The following SLCO6A1 variants were observed in gnomAD, a reference collection of about 807,000 sequenced individuals.
The protein encoded by SLCO6A1 is cancer/testis antigen 48.
SLCO6A1 carries 65 observed loss-of-function variants against 72.7 expected under a neutral mutation model. The ratio of observed to expected loss-of-function variants is 0.89; its 90% CI spans 0.73 to 1.10. The LOEUF (loss-of-function observed/expected upper bound fraction) is 1.10, where lower values mean the gene tolerates loss of function less well. Among genes scored for constraint, SLCO6A1 ranks in the 50% least tolerant of loss-of-function variants. SLCO6A1 has a pLI of 0.00. For missense variants in SLCO6A1, 874 were observed against 872.6 expected, an observed-to-expected ratio of 1.00 and a Z score of -0.02; for synonymous variants, 314 against 298.2, an observed-to-expected ratio of 1.05 and a Z score of -0.55.
At chr5:102,378,695 TGTTC>T (rs1177944134) in intron 12 of SLCO6A1, among the ~76,000 whole-genome samples, 1 of 152,164 alleles carries the variant, frequency 6.6e-6, no homozygotes, top group African/African-American at 2.4e-5. Context: ...TATGTAGTTG[TGTTC>T]TTTTCATTTT....
intron 4 of SLCO6A1, among the ~76,000 whole-genome samples, chr5:102,467,220 G>A (rs1370848573): frequency 6.6e-6 from 1 of 151,894 alleles, no homozygotes; most frequent in Non-Finnish European, 1.5e-5. Context: ...TGATGTATAT[G>A]AAGTTCTGAT....
intron 10 of SLCO6A1, 45 bp downstream of exon 10, chr5:102,399,510 T>A: frequency 8.5e-7 from 1 of 1,172,802 alleles, no homozygotes; most frequent in Admixed American, 3.6e-5. Flanking sequence ...AAATTACTTT[T>A]CTTATATATT....
chr5:102,414,211 C>T (rs1020174781), intron 8 of SLCO6A1, among the ~76,000 whole-genome samples: 1 of 152,024 alleles, frequency 6.6e-6, no homozygotes, highest in Non-Finnish European at 1.5e-5. Context: ...TTTATATTTA[C>T]ATCTATAATT....
At chr5:102,465,505 A>T (rs1336483939) in intron 4 of SLCO6A1, among the ~76,000 whole-genome samples, 1 of 152,080 alleles carries the variant, frequency 6.6e-6, no homozygotes, top group Non-Finnish European at 1.5e-5. Flanking sequence ...TCTCAAATTA[A>T]TAGTGTGCAT....
chr5:102,495,142 A>G (rs1752850984), intron 1 of SLCO6A1, among the ~76,000 whole-genome samples: 1 of 147,738 alleles, frequency 6.8e-6, no homozygotes, highest in Non-Finnish European at 1.5e-5. Flanking sequence ...AGAAACAAAA[A>G]AACCAGAAAC....
At chr5:102,456,666 G>A (rs1418126049) in intron 6 of SLCO6A1, among the ~76,000 whole-genome samples, 1 of 152,128 alleles carries the variant, frequency 6.6e-6, no homozygotes, top group Admixed American at 6.5e-5. Context: ...TCGTGAAAAT[G>A]GCCATACTGC....
intron 6 of SLCO6A1, among the ~76,000 whole-genome samples, chr5:102,455,245 G>T (rs1387828332): frequency 1.3e-5 from 2 of 151,698 alleles, no homozygotes; most frequent in Non-Finnish European, 2.9e-5. Flanking sequence ...GAGGACAGAG[G>T]GATAAAATTC....
chr5:102,448,985 T>G (rs999079805), intron 6 of SLCO6A1, among the ~76,000 whole-genome samples: 1 of 152,170 alleles, frequency 6.6e-6, no homozygotes, highest in African/African-American at 2.4e-5. Context: ...GAGTGTGTTT[T>G]TGTGGTGGTC....
intron 4 of SLCO6A1, among the ~76,000 whole-genome samples, chr5:102,465,846 G>T (rs1489679319): frequency 6.6e-6 from 1 of 152,014 alleles, no homozygotes; most frequent in Non-Finnish European, 1.5e-5. Context: ...TTAATGAGTT[G>T]AGGCAGTTAT....
At chr5:102,451,155 G>T (rs185301013) in intron 6 of SLCO6A1, among the ~76,000 whole-genome samples, 2 of 152,296 alleles carry the variant, frequency 1.3e-5, no homozygotes, top group East Asian at 1.9e-4. Context: ...TGTGCAGGAG[G>T]CCTGCAATAG....
At chr5:102,380,658 T>C (rs2112483139) in intron 12 of SLCO6A1, among the ~76,000 whole-genome samples, 1 of 152,166 alleles carries the variant, frequency 6.6e-6, no homozygotes, top group East Asian at 1.9e-4. Context: ...ACATCTGCAC[T>C]ATTCAATAAA....
chr5:102,388,436 C>A (rs550359482), intron 12 of SLCO6A1, among the ~76,000 whole-genome samples: 48 of 152,208 alleles, frequency 3.2e-4, no homozygotes, highest in African/African-American at 1.1e-3. Context: ...CTTTCAGGCT[C>A]AAGAGACCCT....
intron 12 of SLCO6A1, among the ~76,000 whole-genome samples, chr5:102,383,094 G>GT: frequency 0.021 from 3,021 of 140,814 alleles, 173 homozygotes; most frequent in African/African-American, 0.075. Context: ...ATATGTGTGT[G>GT]AATATATATA....
intron 9 of SLCO6A1, among the ~76,000 whole-genome samples, chr5:102,405,090 T>G (rs564396022): frequency 6.6e-6 from 1 of 152,142 alleles, no homozygotes; most frequent in Non-Finnish European, 1.5e-5. Flanking sequence ...AAATAATTAG[T>G]GAGAGTCCCT....
intron 3 of SLCO6A1, among the ~76,000 whole-genome samples, chr5:102,476,189 C>A (rs1424186915): frequency 6.6e-6 from 1 of 151,810 alleles, no homozygotes; most frequent in Non-Finnish European, 1.5e-5. Flanking sequence ...ACCACCTGTT[C>A]CCCCCAACAC....
At chr5:102,416,491 T>C (rs1487981214) in intron 8 of SLCO6A1, among the ~76,000 whole-genome samples, 2 of 151,968 alleles carry the variant, frequency 1.3e-5, no homozygotes, top group Non-Finnish European at 2.9e-5. Flanking sequence ...CAGACAAATA[T>C]CACATGTTCT....
intron 1 of SLCO6A1, among the ~76,000 whole-genome samples, chr5:102,497,373 C>A (rs1722843209): frequency 6.6e-6 from 1 of 152,204 alleles, no homozygotes; most frequent in Admixed American, 6.5e-5. Flanking sequence ...ATCATAGACA[C>A]CGTTTTCAAC....
At chr5:102,478,132 C>G (rs1461884934) in intron 2 of SLCO6A1, among the ~76,000 whole-genome samples, 1 of 151,680 alleles carries the variant, frequency 6.6e-6, no homozygotes, top group Non-Finnish European at 1.5e-5. Context: ...CAAGCCTGGG[C>G]AACATATTGT....
At chr5:102,487,825 A>G (rs984178333) in intron 1 of SLCO6A1, among the ~76,000 whole-genome samples, 1 of 152,206 alleles carries the variant, frequency 6.6e-6, no homozygotes, top group Non-Finnish European at 1.5e-5. Flanking sequence ...GTCTAGAAAG[A>G]AAGACAGGTT....
Sources: allele counts gnomAD v4.1 joint callset (sites outside exome capture counted in the v4.1 genomes callset), GRCh38; gene constraint gnomAD v4.1.1; transcripts MANE v1.5; gene names NCBI Gene and HGNC (gene_info 2026-07-23, HGNC 2026-07-21).